Variants in CCDC102B observed in about 807,000 individuals in gnomAD.
CCDC102B encodes the protein coiled-coil domain containing 102B.
CCDC102B carries 75 observed loss-of-function variants against 57.4 expected under a neutral mutation model. That is an observed-to-expected ratio of 1.31 (90% CI 1.08 to 1.58). The LOEUF is 1.58. Ranked by LOEUF, CCDC102B falls within the 40% of genes most tolerant of loss-of-function variation. The pLI is 0.00. For missense variants in CCDC102B, 636 were observed against 582.6 expected (o/e 1.09, Z -0.94); for synonymous variants, 206 against 201.9 (o/e 1.02, Z -0.17).
chr18:68,787,554 T>C (rs965152836), intron 2 of CCDC102B, among the ~76,000 whole-genome samples: 4 of 151,700 alleles, frequency 2.6e-5, no homozygotes, highest in African/African-American at 9.7e-5. Flanking sequence ...GGTTTAGTCT[T>C]GGGAGAGTGT....
intron 7 of CCDC102B, among the ~76,000 whole-genome samples, chr18:69,032,834 A>G (rs1297838688): frequency 6.6e-6 from 1 of 152,150 alleles, no homozygotes; most frequent in Non-Finnish European, 1.5e-5. Flanking sequence ...TTTGTAGGAT[A>G]TCAAGTGCTT....
intron 4 of CCDC102B, among the ~76,000 whole-genome samples, chr18:68,852,833 C>T (rs1374248090): frequency 1.3e-5 from 2 of 152,088 alleles, no homozygotes; most frequent in Admixed American, 1.3e-4. Flanking sequence ...TTTGATTATA[C>T]AAAGGAGAAG....
At chr18:68,821,033 G>T (rs2144737903) in intron 1 of CCDC102B, among the ~76,000 whole-genome samples, 1 of 152,200 alleles carries the variant, frequency 6.6e-6, no homozygotes, top group Admixed American at 6.5e-5. Flanking sequence ...AATTCATGTG[G>T]TTAGAATGTT....
chr18:68,963,389 A>G (rs1182599350), intron 6 of CCDC102B, among the ~76,000 whole-genome samples: 1 of 151,998 alleles, frequency 6.6e-6, no homozygotes, highest in African/African-American at 2.4e-5. Flanking sequence ...GTAACAGGGA[A>G]TTCATATAAA....
intron 6 of CCDC102B, among the ~76,000 whole-genome samples, chr18:68,990,758 G>A (rs985014303): frequency 3.1e-4 from 47 of 152,176 alleles, no homozygotes; most frequent in African/African-American, 1.1e-3. Context: ...CTTATTAGAA[G>A]TAATGTTGAG....
chr18:68,868,982 G>T (rs886441377), intron 4 of CCDC102B, among the ~76,000 whole-genome samples: 1 of 152,106 alleles, frequency 6.6e-6, no homozygotes, highest in African/African-American at 2.4e-5. Context: ...ATGATTAAAC[G>T]GATGTTGCAA....
intron 2 of CCDC102B, among the ~76,000 whole-genome samples, chr18:68,784,838 T>C (rs996554319): frequency 6.6e-6 from 1 of 152,122 alleles, no homozygotes; most frequent in African/African-American, 2.4e-5. Context: ...TGGTAACTTT[T>C]TTTTTTTATT....
intron 6 of CCDC102B, among the ~76,000 whole-genome samples, chr18:68,911,135 C>T (rs182522227): frequency 6.6e-6 from 1 of 152,284 alleles, no homozygotes; most frequent in East Asian, 1.9e-4. Context: ...CACATGCATG[C>T]ATCTGTTCAT....
At chr18:68,844,942 AAT>A (rs1457385069) in intron 3 of CCDC102B, among the ~76,000 whole-genome samples, 3 of 148,816 alleles carry the variant, frequency 2.0e-5, no homozygotes, top group Non-Finnish European at 4.5e-5. Context: ...TTTGTTTGTT[AAT>A]TTTGTTTAAT....
At chr18:68,946,399 TA>T (rs905082201) in intron 6 of CCDC102B, among the ~76,000 whole-genome samples, 60 of 152,134 alleles carry the variant, frequency 3.9e-4, no homozygotes, top group African/African-American at 1.4e-3. Flanking sequence ...ATATGATCTA[TA>T]GTGTGTGAAT....
intron 6 of CCDC102B, among the ~76,000 whole-genome samples, chr18:69,006,041 A>AT (rs551403076): frequency 1.1e-3 from 165 of 151,928 alleles, no homozygotes; most frequent in South Asian, 0.01. Flanking sequence ...GTAATTATGT[A>AT]TTTTTTTTAC....
At chr18:68,817,908 G>T (rs546137100) in intron 1 of CCDC102B, among the ~76,000 whole-genome samples, 51 of 152,118 alleles carry the variant, frequency 3.4e-4, no homozygotes, top group African/African-American at 1.2e-3. Flanking sequence ...ATTTAATTTG[G>T]GTGGTAGGAT....
intron 7 of CCDC102B, among the ~76,000 whole-genome samples, chr18:69,029,372 T>C (rs2052078574): frequency 6.6e-6 from 1 of 152,196 alleles, no homozygotes; most frequent in Non-Finnish European, 1.5e-5. Flanking sequence ...TGCTACCATC[T>C]TTTAAAGGAC....
At chr18:68,751,100 A>C (rs1461872993) in intron 2 of CCDC102B, among the ~76,000 whole-genome samples, 1 of 152,150 alleles carries the variant, frequency 6.6e-6, no homozygotes, top group Non-Finnish European at 1.5e-5. Flanking sequence ...GAAAATAAAA[A>C]AGAGAAAGAT....
intron 6 of CCDC102B, among the ~76,000 whole-genome samples, chr18:68,975,023 A>G (rs2050396395): frequency 6.6e-6 from 1 of 152,068 alleles, no homozygotes; most frequent in African/African-American, 2.4e-5. Flanking sequence ...AAATGCTACA[A>G]GAAATCCCAA....
At chr18:68,767,368 G>T (rs1044284899) in intron 2 of CCDC102B, among the ~76,000 whole-genome samples, 1 of 152,196 alleles carries the variant, frequency 6.6e-6, no homozygotes, top group African/African-American at 2.4e-5. Flanking sequence ...CTTCTTTCTG[G>T]GCCATGTGAG....
intron 6 of CCDC102B, among the ~76,000 whole-genome samples, chr18:68,984,381 G>A (rs974418300): frequency 5.9e-5 from 9 of 152,130 alleles, no homozygotes; most frequent in South Asian, 2.1e-4. Flanking sequence ...AGGTGATGTC[G>A]ATTTGCTGAA....
At chr18:68,774,953 T>C (rs56316305) in intron 2 of CCDC102B, among the ~76,000 whole-genome samples, 10,169 of 151,310 alleles carry the variant, frequency 0.067, 644 homozygotes, top group African/African-American at 0.17. Context: ...ATATTATACA[T>C]AAAAGAGTTA....
intron 2 of CCDC102B, among the ~76,000 whole-genome samples, chr18:68,776,805 G>A (rs908484852): frequency 6.6e-6 from 1 of 151,928 alleles, no homozygotes; most frequent in Non-Finnish European, 1.5e-5. Flanking sequence ...ATGTACCCCT[G>A]AACTTTAAAG....
Sources: allele counts gnomAD v4.1 joint callset (sites outside exome capture counted in the v4.1 genomes callset), GRCh38; gene constraint gnomAD v4.1.1; transcripts MANE v1.5; gene names NCBI Gene and HGNC (gene_info 2026-07-23, HGNC 2026-07-21).